Variants in CCBE1 observed in about 807,000 individuals in gnomAD.
The protein encoded by CCBE1 is collagen and calcium binding EGF domains 1.
In CCBE1, 37 loss-of-function variants were observed where a neutral mutation model predicts 50.0. The ratio of observed to expected loss-of-function variants is 0.74; its 90% confidence interval spans 0.57 to 0.97. CCBE1 has a LOEUF of 0.97. Among genes scored for constraint, CCBE1 ranks in the 50% least tolerant of loss-of-function variants. The probability of loss-of-function intolerance (pLI) is 0.00; values close to 1 mark genes in which losing one functional copy is unlikely to be tolerated. For missense variants in CCBE1, 538 were observed against 523.8 expected, an observed-to-expected ratio of 1.03 and a Z score of -0.26; for synonymous variants, 234 against 203.7, an observed-to-expected ratio of 1.15 and a Z score of -1.27.
At chr18:59,541,830 G>A (rs1372517178) in intron 2 of CCBE1, among the ~76,000 whole-genome samples, 1 of 151,202 alleles carries the variant, frequency 6.6e-6, no homozygotes, top group Non-Finnish European at 1.5e-5. Context: ...CACCAAGCAA[G>A]GTTAGAATTA....
intron 2 of CCBE1, among the ~76,000 whole-genome samples, chr18:59,530,883 G>A (rs183566136): frequency 1.4e-3 from 218 of 152,212 alleles, no homozygotes; most frequent in Non-Finnish European, 2.5e-3. Flanking sequence ...TAACTATTTT[G>A]ACATCTTAAT....
intron 2 of CCBE1, among the ~76,000 whole-genome samples, chr18:59,658,890 A>C (rs1310053982): frequency 1.3e-5 from 2 of 150,528 alleles, no homozygotes; most frequent in Non-Finnish European, 3.0e-5. Flanking sequence ...AAAAAAAAAA[A>C]AAAAAAAAAA....
chr18:59,472,565 C>T (rs992261471), intron 3 of CCBE1, among the ~76,000 whole-genome samples: 2 of 152,206 alleles, frequency 1.3e-5, no homozygotes, highest in Non-Finnish European at 2.9e-5. Context: ...GCAGCTACTA[C>T]TCTTGGTCTT....
rs146096356 is a variant in CCBE1 at position 59,507,976 on chromosome 18, C to T, written c.213-27738G>A. On this transcript the variant is annotated intron_variant, in intron 2 of 10. Transcript: ENST00000439986. ...CACGATCTCACCTCACTGCAACCTT[C>T]GCCTCCCGGGTTCAAGTGATTCCCC... Among the ~76,000 whole-genome samples the T allele has an allele frequency of 4.9e-3, 734 of 151,252 alleles. 4 individuals carry two copies. Among genetic ancestry groups the T allele is most frequent in the African/African-American group, 0.016 (673 of 41,188 alleles).
chr18:59,598,606 G>A (rs762401515), intron 2 of CCBE1, among the ~76,000 whole-genome samples: 8 of 152,306 alleles, frequency 5.3e-5, no homozygotes, highest in South Asian at 2.1e-4. Flanking sequence ...TTCTGTGCCC[G>A]TTTTCTTTGA....
intron 3 of CCBE1, among the ~76,000 whole-genome samples, chr18:59,478,311 T>G (rs1349512840): frequency 6.6e-6 from 1 of 152,216 alleles, no homozygotes; most frequent in Non-Finnish European, 1.5e-5. Flanking sequence ...ATTGGTTCTA[T>G]TTCTCTGGAG....
At chr18:59,677,973 T>C (rs190108267) in intron 2 of CCBE1, among the ~76,000 whole-genome samples, 2 of 152,288 alleles carry the variant, frequency 1.3e-5, no homozygotes, top group African/African-American at 4.8e-5. Flanking sequence ...TTAGAGTCAA[T>C]AGCATTTCCA....
chr18:59,682,030 C>T (rs1219524082), intron 2 of CCBE1, among the ~76,000 whole-genome samples: 1 of 152,170 alleles, frequency 6.6e-6, no homozygotes, highest in Admixed American at 6.5e-5. Context: ...TTCTGGAGGA[C>T]CCTGCAGTGG....
Position 59,448,760 on chromosome 18 carries a change from T to G in CCBE1, c.655-657A>C, listed in dbSNP as rs1910798498. Reference sequence around the variant, plus strand: ...AGAGATCTCTAATACAATTCCCCTGTGATTGTTACTCAGAATTCAGTAGGG... The same window carrying G: ...AGAGATCTCTAATACAATTCCCCTGGGATTGTTACTCAGAATTCAGTAGGG... On this transcript the variant is annotated intron_variant, in intron 6 of 10. Transcript: ENST00000439986. Among the ~76,000 whole-genome samples the G allele has an allele frequency of 2.0e-5, 3 of 152,352 alleles. No homozygotes were observed. In the South Asian group the frequency reaches 6.2e-4, roughly 32 times the overall value.
rs777735842 is a variant in CCBE1, at chr18:59,455,077, T to C, written c.554-126A>G. 4 of 757,740 alleles carry C rather than the reference T, an allele frequency of 5.3e-6. No individual in the cohort carries two copies. The African/African-American group carries it at 6.8e-5, about 13-fold the overall frequency. 46.9% of individuals were successfully genotyped at this position (757,740 alleles called of 1,614,324 possible). On this transcript the variant is annotated intron_variant, in intron 5 of 10. Coordinates refer to ENST00000439986, the MANE Select transcript of CCBE1 (RefSeq NM_133459.4). ...ACAGCGGGACATGCGAGGGCTCAAC[T>C]GTGGGTGATTTTACAGCTCTCAGGT...
intron 2 of CCBE1, among the ~76,000 whole-genome samples, chr18:59,676,418 T>C (rs1469897114): frequency 6.6e-6 from 1 of 152,246 alleles, no homozygotes; most frequent in East Asian, 1.9e-4. Context: ...CTATTTCATA[T>C]GTCTCCTGCC....
intron 2 of CCBE1, among the ~76,000 whole-genome samples, chr18:59,523,006 A>G (rs1914672533): frequency 6.6e-6 from 1 of 151,032 alleles, no homozygotes; most frequent in Non-Finnish European, 1.5e-5. Flanking sequence ...AAAAAAAAAA[A>G]AAAAAAATTC....
Position 59,514,746 on chromosome 18 carries a change from G to A in CCBE1, c.213-34508C>T, listed in dbSNP as rs572097767. On this transcript the variant is annotated intron_variant, in intron 2 of 10. Transcript: ENST00000439986. ...CTTGCCCCAGAGTACCCTTTGCCACGACACAGAATGCCTTTCCAATCACTA... is the reference window on the plus strand; with the variant it reads ...CTTGCCCCAGAGTACCCTTTGCCACAACACAGAATGCCTTTCCAATCACTA... 4.1e-4 allele frequency among the ~76,000 whole-genome samples: 61 copies of A among 149,728 alleles called. No homozygotes were observed. In the South Asian group the frequency reaches 8.4e-3, roughly 21 times the overall value.
chr18:59,659,700 G>A (rs746191070), intron 2 of CCBE1, among the ~76,000 whole-genome samples: 3 of 152,216 alleles, frequency 2.0e-5, no homozygotes, highest in Non-Finnish European at 4.4e-5. Context: ...CCTGATGACA[G>A]TGCCCAGTGA....
At chr18:59,513,040 G>A (rs533510376) in intron 2 of CCBE1, among the ~76,000 whole-genome samples, 85 of 152,314 alleles carry the variant, frequency 5.6e-4, no homozygotes, top group Non-Finnish European at 9.7e-4. Context: ...GAGCCCAGGA[G>A]CAGTGGCTCA....
At position 59,564,985 on chromosome 18, in the gene CCBE1, G is replaced by A. The variant is rs116368719; in HGVS notation, c.213-84747C>T. Among the ~76,000 whole-genome samples, 402 of 152,314 alleles carry A rather than the reference G, an allele frequency of 2.6e-3. 3 individuals carry two copies. The highest frequency in any genetic ancestry group is 9.3e-3 in the African/African-American group (387 of 41,564). ...AACATGATGGCTTGGAAAATCCAGC[G>A]TGATCACTGCAACAGAACTGAGTAG... On this transcript the variant is annotated intron_variant, in intron 2 of 10. Transcript: ENST00000439986.
At chr18:59,545,225 A>T (rs959972609) in intron 2 of CCBE1, among the ~76,000 whole-genome samples, 2 of 149,726 alleles carry the variant, frequency 1.3e-5, no homozygotes, top group African/African-American at 2.4e-5. Context: ...ATATGTGTGT[A>T]TATATCCATA....
intron 2 of CCBE1, among the ~76,000 whole-genome samples, chr18:59,565,635 A>G (rs1185495089): frequency 6.6e-6 from 1 of 152,138 alleles, no homozygotes; most frequent in Admixed American, 6.5e-5. Context: ...AAAAATTAAG[A>G]ATTTTCAAGA....
At chr18:59,654,272 G>T (rs1284838979) in intron 2 of CCBE1, among the ~76,000 whole-genome samples, 1 of 152,154 alleles carries the variant, frequency 6.6e-6, no homozygotes, top group African/African-American at 2.4e-5. Flanking sequence ...TGAAACAAAA[G>T]CCTACCCAGC....
Sources: gnomAD v4.1 joint callset for allele counts (sites outside exome capture counted in the v4.1 genomes callset) on GRCh38, gnomAD v4.1.1 for gene constraint, MANE v1.5 for transcripts, NCBI Gene and HGNC (gene_info 2026-07-23, HGNC 2026-07-21) for gene names.